IL1RAPL1: variants seen among roughly 807,000 people sequenced by gnomAD.
The protein encoded by IL1RAPL1 is interleukin-1 receptor accessory protein-like 1.
IL1RAPL1 carries 3 observed loss-of-function variants against 48.4 expected under a neutral mutation model. That is an observed-to-expected ratio of 0.06 (90% confidence interval 0.03 to 0.16). The LOEUF (loss-of-function observed/expected upper bound fraction) is 0.16. Among genes scored for constraint, IL1RAPL1 ranks in the 10% least tolerant of loss-of-function variants. The probability of loss-of-function intolerance (pLI) is 1.00; values close to 1 mark genes in which losing one functional copy is unlikely to be tolerated. For synonymous variants in IL1RAPL1, 185 were observed against 187.7 expected (o/e 0.99, Z 0.12); for missense variants, 349 against 530.6 (o/e 0.66, Z 3.36).
At chrX:29,337,383 A>C (rs1262364060) in intron 3 of IL1RAPL1, among the ~76,000 whole-genome samples, 1 of 112,023 alleles carries the variant, frequency 8.9e-6, no homozygotes, top group African/African-American at 3.2e-5. Context: ...ATACATTTAC[A>C]AGATTACTTT....
chrX:29,885,807 A>G (rs188056767), intron 6 of IL1RAPL1, among the ~76,000 whole-genome samples: 1 of 111,741 alleles, frequency 8.9e-6, no homozygotes, highest in African/African-American at 3.2e-5. Flanking sequence ...TGACAGAGCA[A>G]GACCCTGTCT....
At chrX:28,916,704 T>C (rs1049770097) in intron 2 of IL1RAPL1, among the ~76,000 whole-genome samples, 1 of 112,028 alleles carries the variant, frequency 8.9e-6, no homozygotes, top group Non-Finnish European at 1.9e-5. Flanking sequence ...CAGCTGGTCA[T>C]TGGAGCAAAC....
chrX:29,162,803 G>A (rs1275846401), intron 2 of IL1RAPL1, among the ~76,000 whole-genome samples: 1 of 111,079 alleles, frequency 9.0e-6, no homozygotes, highest in Non-Finnish European at 1.9e-5. Context: ...GCCAGGCATG[G>A]TGGCTCACGC....
At position 29,845,554 on chromosome X, in the gene IL1RAPL1, A is replaced by C. The variant is rs143810937; in HGVS notation, c.779-71910A>C. Reference sequence around the variant, plus strand: ...ACACAACTGAATATTAACACAAAACATGAAGGTTGAATTCTGGTGAGCTCC... The same window carrying C: ...ACACAACTGAATATTAACACAAAACCTGAAGGTTGAATTCTGGTGAGCTCC... On this transcript the variant is annotated intron_variant, in intron 6 of 10. Coordinates refer to ENST00000378993, the MANE Select transcript of IL1RAPL1 (RefSeq NM_014271.4). Among the ~76,000 whole-genome samples, 838 of 112,154 alleles carry C rather than the reference A, an allele frequency of 7.5e-3. 4 individuals carry two copies. Among genetic ancestry groups the C allele is most frequent in the African/African-American group, 0.025 (778 of 30,870 alleles).
chrX:29,273,661 G>A (rs1932076026), intron 2 of IL1RAPL1, among the ~76,000 whole-genome samples: 1 of 111,681 alleles, frequency 9.0e-6, no homozygotes, highest in Non-Finnish European at 1.9e-5. Flanking sequence ...TTCAGCTGAG[G>A]AGGGGCACCA....
At chrX:28,845,458 T>G (rs1227786050) in intron 2 of IL1RAPL1, among the ~76,000 whole-genome samples, 1 of 111,634 alleles carries the variant, frequency 9.0e-6, no homozygotes, top group Non-Finnish European at 1.9e-5. Context: ...TATGTCAGAT[T>G]AAAGGAAACT....
chrX:29,455,239 A>G (rs1335489150), intron 5 of IL1RAPL1, among the ~76,000 whole-genome samples: 1 of 111,785 alleles, frequency 8.9e-6, no homozygotes, highest in Non-Finnish European at 1.9e-5. Flanking sequence ...TTAAAAAAAG[A>G]AAGTATGTGG....
At chrX:29,370,874 TTTTA>T (rs1427096633) in intron 3 of IL1RAPL1, among the ~76,000 whole-genome samples, 3 of 110,300 alleles carry the variant, frequency 2.7e-5, no homozygotes, top group Non-Finnish European at 3.8e-5. Flanking sequence ...GTATTATTAT[TTTTA>T]TTTGACACAT....
chrX:28,750,593 G>A (rs1450593833), intron 1 of IL1RAPL1, among the ~76,000 whole-genome samples: 1 of 111,246 alleles, frequency 9.0e-6, no homozygotes, highest in Non-Finnish European at 1.9e-5. Flanking sequence ...CCTTTGTTAT[G>A]TTACTCATAT....
At chrX:29,898,825 T>C (rs1029332196) in intron 6 of IL1RAPL1, among the ~76,000 whole-genome samples, 2 of 111,880 alleles carry the variant, frequency 1.8e-5, no homozygotes, top group East Asian at 5.6e-4. Flanking sequence ...AAAAAATAAA[T>C]AAAATATCAC....
At chrX:28,709,958 T>C (rs1390372852) in intron 1 of IL1RAPL1, among the ~76,000 whole-genome samples, 1 of 112,033 alleles carries the variant, frequency 8.9e-6, no homozygotes, top group African/African-American at 3.2e-5. Context: ...AACTGTTGGA[T>C]TGTATTTTAG....
chrX:29,684,268 AG>A (rs1926551930), intron 6 of IL1RAPL1, among the ~76,000 whole-genome samples: 1 of 111,902 alleles, frequency 8.9e-6, no homozygotes, highest in Non-Finnish European at 1.9e-5. Context: ...GTGCCTGGCC[AG>A]GGTTCTCTGC....
At chrX:28,789,280 A>G in intron 1 of IL1RAPL1, 40 bp from the exon 2 acceptor site, 2 of 813,653 alleles carry the variant, frequency 2.5e-6, no homozygotes, top group Non-Finnish European at 1.9e-6. Context: ...ATCTATTTTT[A>G]AAACATGTAT....
chrX:29,332,161 C>T (rs1602175665), intron 3 of IL1RAPL1, among the ~76,000 whole-genome samples: 1 of 55,902 alleles, frequency 1.8e-5, no homozygotes, highest in Non-Finnish European at 3.0e-5. Flanking sequence ...TGTTACGAAA[C>T]AGATGAATAA....
chrX:29,040,043 G>T (rs1196058144), intron 2 of IL1RAPL1, among the ~76,000 whole-genome samples: 3 of 111,680 alleles, frequency 2.7e-5, no homozygotes, highest in Admixed American at 9.5e-5. Context: ...TCCAGATCAG[G>T]GGCCTAGATT....
intron 2 of IL1RAPL1, among the ~76,000 whole-genome samples, chrX:28,911,864 C>T (rs994967762): frequency 9.3e-6 from 1 of 107,438 alleles, no homozygotes; most frequent in African/African-American, 3.4e-5. Flanking sequence ...TACTAGGGAG[C>T]CATGAAGAGT....
chrX:29,287,530 T>C (rs1027055613), intron 3 of IL1RAPL1, among the ~76,000 whole-genome samples: 1 of 112,564 alleles, frequency 8.9e-6, no homozygotes, highest in Non-Finnish European at 1.9e-5. Flanking sequence ...TAGCATCTGA[T>C]GTTCCCACCA....
chrX:29,264,448 A>G (rs997320331), intron 2 of IL1RAPL1, among the ~76,000 whole-genome samples: 6 of 110,911 alleles, frequency 5.4e-5, no homozygotes, highest in East Asian at 2.8e-4. Flanking sequence ...CAGAAGTGGA[A>G]GAAGGGAAAT....
intron 3 of IL1RAPL1, among the ~76,000 whole-genome samples, chrX:29,375,311 G>A (rs1285361948): frequency 1.0e-4 from 11 of 107,925 alleles, no homozygotes; most frequent in Non-Finnish European, 2.1e-4. Context: ...ACAGGCACCC[G>A]CCGCCATGCC....
Sources: allele counts gnomAD v4.1 joint callset (sites outside exome capture counted in the v4.1 genomes callset), GRCh38; gene constraint gnomAD v4.1.1; transcripts MANE v1.5; gene names NCBI Gene and HGNC (gene_info 2026-07-23, HGNC 2026-07-21).